GALNT17: variants seen among roughly 807,000 people sequenced by gnomAD.
GALNT17 encodes polypeptide N-acetylgalactosaminyltransferase 17.
A neutral mutation model predicts 63.7 loss-of-function variants in GALNT17; 29 were observed. The ratio of observed to expected loss-of-function variants is 0.46; its 90% CI spans 0.34 to 0.62. The LOEUF (loss-of-function observed/expected upper bound fraction) is 0.62. GALNT17 is among the 20% of genes least tolerant of loss of function. GALNT17 has a pLI of 0.01. For missense variants in GALNT17, 603 were observed against 799.6 expected, an observed-to-expected ratio of 0.75 and a Z score of 2.97; for synonymous variants, 305 against 318.3, an observed-to-expected ratio of 0.96 and a Z score of 0.45.
rs369124996 is a variant in GALNT17, at chr7:71,488,889, C to CTTTTT, written c.962+67804_962+67808dup. ...GAGCCACCGCGCCCAGCCAGGTTTC[C>CTTTTT]TTTTTTTTTTTTTTTTTTTTTTTTG... is the stretch of plus-strand genomic sequence containing the variant. On this transcript the variant is annotated intron_variant, in intron 5 of 10. Transcript: ENST00000333538. Among the ~76,000 whole-genome samples the CTTTTT allele has an allele frequency of 2.9e-3, 157 of 54,704 alleles. 10 individuals are homozygous for CTTTTT. The highest frequency in any genetic ancestry group is 7.2e-3 in the East Asian group (10 of 1,388). The allele number at this position is 54,704 out of a possible 152,430, so 35.9% of individuals were successfully genotyped here. A position where few individuals can be genotyped will look rare whatever the true frequency, so the allele number is the denominator to read the frequency against.
chr7:71,440,436 ACGATCTCAGCTCACTGCGACCTC>A (rs1787045280), intron 5 of GALNT17, among the ~76,000 whole-genome samples: 1 of 146,130 alleles, frequency 6.8e-6, no homozygotes, highest in Admixed American at 7.1e-5. Context: ...GTGCAATGGC[ACGATCTCAGCTCACTGCGACCTC>A]CGAATCCTGG....
chr7:71,148,937 T>G (rs28398917), intron 1 of GALNT17, among the ~76,000 whole-genome samples: 1 of 149,802 alleles, frequency 6.7e-6, no homozygotes, highest in South Asian at 2.1e-4. Flanking sequence ...TTTTGTTGTT[T>G]TGTTGTTGTT....
At chr7:71,596,274 G>A (rs10225816) in intron 6 of GALNT17, among the ~76,000 whole-genome samples, 151,236 of 152,046 alleles carry the variant, frequency 0.99, 75,220 homozygotes, top group East Asian at 1. Flanking sequence ...TCCTGACCTC[G>A]TGATTCGCCC....
Position 71,134,835 on chromosome 7 carries a change from GTTTTTTTTTTTTTT to G in GALNT17, c.238+1813_238+1826del, listed in dbSNP as rs561383417. ...TTAGTATCAGTTTCTTTGTTTTATG[GTTTTTTTTTTTTTT>G]TTTTTTTTTTTTTTTTTGAGACAGG... is the stretch of plus-strand genomic sequence containing the variant. On this transcript the variant is annotated intron_variant, in intron 1 of 10. Coordinates refer to ENST00000333538, the MANE Select transcript of GALNT17 (RefSeq NM_022479.3). Among the ~76,000 whole-genome samples the G allele has an allele frequency of 3.8e-4, 22 of 57,910 alleles. No homozygotes were observed. In the East Asian group the frequency reaches 4.6e-3, roughly 12 times the overall value. 38.0% of individuals were successfully genotyped at this position (57,910 alleles called of 152,430 possible). A position where few individuals can be genotyped will look rare whatever the true frequency, so the allele number is the denominator to read the frequency against.
chr7:71,142,196 C>T (rs1399640594), intron 1 of GALNT17, among the ~76,000 whole-genome samples: 1 of 152,076 alleles, frequency 6.6e-6, no homozygotes, highest in Non-Finnish European at 1.5e-5. Flanking sequence ...TGAATGGATG[C>T]ATGGACAGCT....
At chr7:71,371,688 A>G (rs1335066266) in intron 2 of GALNT17, among the ~76,000 whole-genome samples, 1 of 152,094 alleles carries the variant, frequency 6.6e-6, no homozygotes, top group Non-Finnish European at 1.5e-5. Context: ...ATATTCACTT[A>G]TATCTTGTTT....
At chr7:71,348,002 T>G (rs898274580) in intron 2 of GALNT17, among the ~76,000 whole-genome samples, 2 of 152,262 alleles carry the variant, frequency 1.3e-5, no homozygotes, top group African/African-American at 4.8e-5. Context: ...ATTTTATGTC[T>G]GTAATCCTAG....
At chr7:71,271,746 C>G (rs1562961845) in intron 1 of GALNT17, among the ~76,000 whole-genome samples, 1 of 152,022 alleles carries the variant, frequency 6.6e-6, no homozygotes, top group Non-Finnish European at 1.5e-5. Context: ...GATCTGTTCT[C>G]TAATTCTTCC....
chr7:71,624,083 T>TCGG (rs1358286255), intron 6 of GALNT17, among the ~76,000 whole-genome samples: 1 of 152,150 alleles, frequency 6.6e-6, no homozygotes, highest in Non-Finnish European at 1.5e-5. Flanking sequence ...CTTTGCGATG[T>TCGG]CGGCGGCTGT....
chr7:71,313,403 C>G (rs1022092075), intron 1 of GALNT17, among the ~76,000 whole-genome samples: 10 of 152,158 alleles, frequency 6.6e-5, no homozygotes, highest in African/African-American at 2.4e-4. Context: ...GGCAATGACA[C>G]TCTTTCGGTA....
intron 5 of GALNT17, among the ~76,000 whole-genome samples, chr7:71,491,208 AAAAAG>A (rs1424077834): frequency 6.6e-6 from 1 of 152,142 alleles, no homozygotes; most frequent in Non-Finnish European, 1.5e-5. Context: ...AAAAAACAAA[AAAAAG>A]AAAAGAAAAA....
chr7:71,377,114 AATATATATATATAT>A, intron 2 of GALNT17, among the ~76,000 whole-genome samples: 1 of 57,466 alleles, frequency 1.7e-5, no homozygotes, highest in African/African-American at 9.4e-5. Context: ...AAATAAAAAA[AATATATATATATAT>A]ATATATATAT....
Position 71,382,830 on chromosome 7 carries a change from C to T in GALNT17, c.423-5405C>T, listed in dbSNP as rs796962971. Among the ~76,000 whole-genome samples, 22 of 152,216 alleles carry T rather than the reference C, an allele frequency of 1.4e-4. 1 individual carries two copies. The highest frequency in any genetic ancestry group is 5.3e-4 in the African/African-American group (22 of 41,526). On this transcript the variant is annotated intron_variant, in intron 2 of 10. Coordinates refer to ENST00000333538, the MANE Select transcript of GALNT17 (RefSeq NM_022479.3). ...AGAGAGAATGAATTTATTTATTTTT[C>T]CCATTTTTTATTGTGTTAAAATATA...
chr7:71,465,423 C>A (rs1238113755), intron 5 of GALNT17, among the ~76,000 whole-genome samples: 1 of 152,172 alleles, frequency 6.6e-6, no homozygotes, highest in Non-Finnish European at 1.5e-5. Flanking sequence ...TCCACTGTTA[C>A]ACAACATAAT....
chr7:71,484,046 AT>A (rs748366449), intron 5 of GALNT17, among the ~76,000 whole-genome samples: 8 of 152,052 alleles, frequency 5.3e-5, no homozygotes, highest in African/African-American at 1.2e-4. Flanking sequence ...ATAACAATGT[AT>A]TTTTCTTGAA....
In GALNT17 at chr7:71,220,741, G is replaced by C. The variant is rs151133264; in HGVS notation, c.238+87701G>C. Among the ~76,000 whole-genome samples the C allele has an allele frequency of 3.3e-5, 5 of 152,170 alleles. No individual in the cohort carries two copies. In the East Asian group the frequency reaches 9.7e-4, roughly 30 times the overall value. ...AGATTAGGACACAGACACACAGGGG[G>C]AAGACCATGTGAAGACACTTGGAAG... On this transcript the variant is annotated intron_variant, in intron 1 of 10. Transcript: ENST00000333538.
intron 1 of GALNT17, among the ~76,000 whole-genome samples, chr7:71,135,293 T>TA (rs1464030401): frequency 6.6e-6 from 1 of 152,220 alleles, no homozygotes; most frequent in Non-Finnish European, 1.5e-5. Flanking sequence ...ACAAGTGCAT[T>TA]ATCTCACTGT....
chr7:71,528,171 G>T (rs2116771555), intron 5 of GALNT17, among the ~76,000 whole-genome samples: 1 of 152,318 alleles, frequency 6.6e-6, no homozygotes, highest in East Asian at 1.9e-4. Flanking sequence ...CTAAAAAGCA[G>T]ACAAAATGGG....
At chr7:71,238,539 C>T (rs187481541) in intron 1 of GALNT17, among the ~76,000 whole-genome samples, 1 of 152,190 alleles carries the variant, frequency 6.6e-6, no homozygotes, top group Admixed American at 6.5e-5. Context: ...GGTCTGTGTT[C>T]AGTATTTATT....
Sources: gnomAD v4.1 joint callset for allele counts (sites outside exome capture counted in the v4.1 genomes callset) on GRCh38, gnomAD v4.1.1 for gene constraint, MANE v1.5 for transcripts, NCBI Gene and HGNC (gene_info 2026-07-23, HGNC 2026-07-21) for gene names.